Variants in CSPG4 observed in about 807,000 individuals in gnomAD.
The protein encoded by CSPG4 is chondroitin sulfate proteoglycan 4 (melanoma-associated).
CSPG4 carries 74 observed loss-of-function variants against 139.3 expected under a neutral mutation model. That is an observed-to-expected ratio of 0.53 (90% confidence interval 0.44 to 0.64). The LOEUF (loss-of-function observed/expected upper bound fraction) is 0.64. Ranked by LOEUF, CSPG4 falls within the 30% of genes least tolerant of loss-of-function variation. CSPG4 has a pLI of 0.00. For missense variants in CSPG4, 2,565 were observed against 3,148.3 expected (o/e 0.81, Z 4.43); for synonymous variants, 1,234 against 1,394.2 (o/e 0.89, Z 2.56).
At chr15:75,686,711 A>G (rs866244237) in intron 3 of CSPG4, among the ~76,000 whole-genome samples, 389 of 147,398 alleles carry the variant, frequency 2.6e-3, no homozygotes, top group African/African-American at 7.3e-3. Flanking sequence ...GGTCTCCGAA[A>G]TGAGCAGTGT....
At position 75,687,370 on chromosome 15, in the gene CSPG4, A is replaced by C. The variant is rs772931328; in HGVS notation, c.3695T>G (p.Leu1232Arg). The C allele has an allele frequency of 6.2e-7, 1 of 1,612,862 alleles. No individual in the cohort carries two copies. Among genetic ancestry groups the C allele is most frequent in the Admixed American group, 1.7e-5 (1 of 60,006 alleles). Residue 1232 changes from leucine to arginine, a missense_variant, in exon 3 of 10, where the codon CTA (leucine) becomes CGA (arginine). Transcript: ENST00000308508. This position sits in a 1 kb window ranked among gnomAD's most constrained non-coding sequence, Gnocchi z 5.4. ...TDATLQVTIA[L>R]EGPLAPLKLV... ...CTTCAGTGGGGCCAGTGGGCCCTCT[A>C]GGGCAATGGTCACTTGTAGGGTGGC...
chr15:75,697,497 A>G (rs1752668476), intron 1 of CSPG4, among the ~76,000 whole-genome samples: 1 of 152,236 alleles, frequency 6.6e-6, no homozygotes, highest in African/African-American at 2.4e-5. Flanking sequence ...GAGAAGCAGA[A>G]AGAGATCCAG....
In CSPG4 at chr15:75,688,613, G is replaced by A; in HGVS notation, c.2452C>T (p.Pro818Ser). 6.2e-7 allele frequency: 1 copy of A among 1,612,876 alleles called. No homozygotes were observed. Among genetic ancestry groups the A allele is most frequent in the Non-Finnish European group, 8.5e-7 (1 of 1,179,902 alleles). ...EATLEEAGPS[P>S]PTFHYEVVQA... ...ACCACCTCATAATGGAAGGTTGGGGGGCTTGGGCCTGCCTCCTCCAGGGTG... is the reference window on the plus strand; with the variant it reads ...ACCACCTCATAATGGAAGGTTGGGGAGCTTGGGCCTGCCTCCTCCAGGGTG... Residue 818 changes from proline to serine, a missense_variant, in exon 3 of 10, where the codon CCC becomes TCC. Pro to Ser is a moderately conservative substitution (Grantham distance 74). Coordinates refer to ENST00000308508, the MANE Select transcript of CSPG4 (RefSeq NM_001897.5).
At chr15:75,704,955 G>A (rs1481552584) in intron 1 of CSPG4, among the ~76,000 whole-genome samples, 6 of 152,338 alleles carry the variant, frequency 3.9e-5, no homozygotes, top group Admixed American at 2.6e-4. Flanking sequence ...CTCGCGAGGG[G>A]TTGGTAGAGA....
intron 1 of CSPG4, among the ~76,000 whole-genome samples, chr15:75,701,586 G>GC (rs1037538861): frequency 3.4e-5 from 5 of 147,004 alleles, no homozygotes; most frequent in African/African-American, 1.2e-4. Context: ...CAGCCTGTGG[G>GC]CCCCCCCTGG....
chr15:75,690,563 C>A lies in CSPG4; in HGVS notation c.502G>T (p.Gly168Cys), dbSNP rs1451329589. Residue 168 changes from glycine (G) to cysteine (C), a missense_variant, in exon 3 of 10, where the codon GGT becomes TGT. Gly to Cys is a radical substitution (Grantham distance 159). Transcript: ENST00000308508. ...YLRGTSRPLR[G>C]CLHAATLNGR... ...TTGAGGGTGGCTGCATGGAGGCAAC[C>A]CCTCAGGGGTCGGCTGGTTCCCCTC... 2 of 1,608,414 alleles carry A rather than the reference C, an allele frequency of 1.2e-6. No homozygotes were observed. Among genetic ancestry groups the A allele is most frequent in the African/African-American group, 1.3e-5 (1 of 74,778 alleles).
chr15:75,687,630 G>T lies in CSPG4; in HGVS notation c.3435C>A (p.Ile1145=), dbSNP rs148547929. The T allele has an allele frequency of 1.1e-5, 17 of 1,612,376 alleles. No individual in the cohort carries two copies. The highest frequency in any genetic ancestry group is 1.4e-5 in the Non-Finnish European group (16 of 1,179,690). Residue 1145 remains isoleucine (I), a synonymous_variant, in exon 3 of 10, where the codon ATC becomes ATA. Transcript: ENST00000308508. This position sits in a 1 kb window ranked among gnomAD's most constrained non-coding sequence, Gnocchi z 5.4. The stretch of plus-strand genomic sequence containing the variant: ...TGTCCAGGTGGAGCACGGCCGTGTC[G>T]ATGGTGCCCTGGCCTCCTTGAGGGA... ...LVVPQGGQGT[I]DTAVLHLDTN...
At chr15:75,705,325 A>G (rs1329346273) in intron 1 of CSPG4, among the ~76,000 whole-genome samples, 1 of 152,126 alleles carries the variant, frequency 6.6e-6, no homozygotes, top group African/African-American at 2.4e-5. Flanking sequence ...AGTCCCACAC[A>G]GACTCACGGG....
intron 1 of CSPG4, among the ~76,000 whole-genome samples, chr15:75,705,883 G>C (rs530475712): frequency 6.6e-6 from 1 of 152,266 alleles, no homozygotes; most frequent in South Asian, 2.1e-4. Context: ...GTGTGTGTCT[G>C]TGCCTGTGTG....
At position 75,685,580 on chromosome 15, in the gene CSPG4, G is replaced by A. The variant is rs1037392039; in HGVS notation, c.3911C>T (p.Pro1304Leu). Reference protein sequence around the residue: ...ALADEPPSLDPVQSFSQEAVD... With the variant: ...ALADEPPSLDLVQSFSQEAVD... ...TGCCTCCTGGGAGAAGCTCTGCACA[G>A]GGTCCAGGCTGGGTGGCTCATCTGC... Residue 1304 changes from proline (P) to leucine (L), a missense_variant, in exon 4 of 10, where the codon CCT (proline) becomes CTT (leucine). Physicochemically the swap from Pro to Leu is moderately conservative, Grantham distance 98. This residue lies in a region of CSPG4 where 2,316 missense variants were observed against 2,818.2 expected (regional missense o/e 0.82). Coordinates refer to ENST00000308508, the MANE Select transcript of CSPG4 (RefSeq NM_001897.5). 11 of 1,609,194 alleles carry A rather than the reference G, an allele frequency of 6.8e-6. No individual in the cohort carries two copies. Among genetic ancestry groups the A allele is most frequent in the Admixed American group, 5.0e-5 (3 of 59,728 alleles).
chr15:75,683,126 A>T, intron 5 of CSPG4, 85 bp from the exon 6 acceptor site: 1 of 1,363,072 alleles, frequency 7.3e-7, no homozygotes, highest in Non-Finnish European at 1.0e-6. Flanking sequence ...CCAGGGCTCC[A>T]GTCCTGCTGC....
chr15:75,696,946 T>G lies in CSPG4; in HGVS notation c.89-3713A>C, dbSNP rs774678908. 8.6e-5 allele frequency among the ~76,000 whole-genome samples: 13 copies of G among 151,864 alleles called. No individual in the cohort carries two copies. Among genetic ancestry groups the G allele is most frequent in the Non-Finnish European group, 1.6e-4 (11 of 67,894 alleles). The stretch of plus-strand genomic sequence containing the variant: ...TCCCCGGAGGCACTACTAGGAGGAG[T>G]GTGGATGGGCCCCTGAGGCTTCCAG... On this transcript the variant is annotated intron_variant, in intron 1 of 9. Transcript: ENST00000308508. The surrounding 1 kb of genome is among the most constrained non-coding windows in gnomAD (Gnocchi z 4.2).
chr15:75,685,391 A>T lies in CSPG4; in HGVS notation c.4100T>A (p.Val1367Asp), dbSNP rs1028505045. The change falls in exon 4 of 10, where the codon GTC (valine) becomes GAC (aspartate). Residue 1367 changes from valine to aspartate, a missense_variant. Physicochemically the swap from Val to Asp is radical, Grantham distance 152. Transcript: ENST00000308508. ...CAGGGTGAGGCTGCCACCCTCAGGG[A>T]CGCTGAAGTTTTGCGCCTCTAGTGG... ...AIPLEAQNFSVPEGGSLTLAP... is the reference protein window; with the variant it reads ...AIPLEAQNFSDPEGGSLTLAP... 6.2e-7 allele frequency: 1 copy of T among 1,611,008 alleles called. No individual in the cohort carries two copies. Among genetic ancestry groups the T allele is most frequent in the African/African-American group, 1.3e-5 (1 of 74,920 alleles).
intron 1 of CSPG4, among the ~76,000 whole-genome samples, chr15:75,705,474 G>C (rs186397915): frequency 2.6e-5 from 4 of 152,202 alleles, no homozygotes; most frequent in African/African-American, 9.7e-5. Context: ...GATGTCCACC[G>C]AGCATTGATT....
intron 1 of CSPG4, among the ~76,000 whole-genome samples, chr15:75,710,798 G>T (rs1432715454): frequency 2.0e-5 from 3 of 152,108 alleles, no homozygotes; most frequent in Non-Finnish European, 4.4e-5. Context: ...CAGGAGTGGT[G>T]ACAGAGATGG....
chr15:75,684,901 C>G lies in CSPG4; in HGVS notation c.4284G>C (p.Gln1428His). 6.2e-7 allele frequency: 1 copy of G among 1,608,746 alleles called. No homozygotes were observed. Among genetic ancestry groups the G allele is most frequent in the East Asian group, 2.2e-5 (1 of 44,706 alleles). ...SAFSWRMVEE[Q>H]LIRYVHDGSE... ...TCCCGTCATGCACGTAGCGGATCAG[C>G]TGCTCTTCCACCTAGGGGCAGGCCC... The change falls in exon 5 of 10, where the codon CAG (glutamine) becomes CAC (histidine). Residue 1428 changes from glutamine to histidine, a missense_variant. Gln to His is a conservative substitution (Grantham distance 24, BLOSUM62 0). This residue lies in a region of CSPG4 where 2,316 missense variants were observed against 2,818.2 expected (regional missense o/e 0.82). Coordinates refer to ENST00000308508, the MANE Select transcript of CSPG4 (RefSeq NM_001897.5).
intron 3 of CSPG4, among the ~76,000 whole-genome samples, chr15:75,686,860 G>A (rs1331548155): frequency 6.6e-6 from 1 of 152,266 alleles, no homozygotes; most frequent in Admixed American, 6.5e-5. Flanking sequence ...TGAGAAAAGA[G>A]TGGGGGACAT....
In CSPG4 at chr15:75,698,329, G is replaced by T. The variant is rs903529402; in HGVS notation, c.89-5096C>A. ...ATAGGTGTGTATGTGGTGGGGCGGG[G>T]GGTGGTCGTGGCCCACCTGGGGGCT... On this transcript the variant is annotated intron_variant, in intron 1 of 9. Coordinates refer to ENST00000308508, the MANE Select transcript of CSPG4 (RefSeq NM_001897.5). The surrounding 1 kb of genome is among the most constrained non-coding windows in gnomAD (Gnocchi z 4.3). Among the ~76,000 whole-genome samples the T allele has an allele frequency of 6.6e-6, 1 of 151,680 alleles. No homozygotes were observed. Among genetic ancestry groups the T allele is most frequent in the Non-Finnish European group, 1.5e-5 (1 of 67,858 alleles).
rs1284700987 is a variant in CSPG4, at chr15:75,676,205, C to T, written c.6314G>A (p.Gly2105Glu). Residue 2105 changes from glycine (G) to glutamate (E), a missense_variant, in exon 10 of 10, where the codon GGG becomes GAG. Around this residue, in one of 5 missense-constraint regions of CSPG4, gnomAD observed 2,316 missense variants for 2,818.2 expected, o/e 0.82. Transcript: ENST00000308508. ...GAACTGCTCCACCAGCTGGCTGCCC[C>T]CGGGCTCCGTCCTGGCTCGGGGCAC... Reference protein sequence around the residue: ...VRVPRARTEPGGSQLVEQFTQ... With the variant: ...VRVPRARTEPEGSQLVEQFTQ... 1 of 1,551,358 alleles carries T rather than the reference C, an allele frequency of 6.4e-7. No individual in the cohort carries two copies. Among genetic ancestry groups the T allele is most frequent in the East Asian group, 2.4e-5 (1 of 41,744 alleles).
Sources: gnomAD v4.1 joint callset for allele counts (sites outside exome capture counted in the v4.1 genomes callset) on GRCh38, gnomAD v4.1.1 for gene constraint, gnomAD v4.1.1 regional missense constraint, Gnocchi (gnomAD v3.1) non-coding constraint, MANE v1.5 for transcripts, NCBI Gene and HGNC (gene_info 2026-07-23, HGNC 2026-07-21) for gene names.